The following GRIK3 variants were observed in gnomAD, a reference collection of about 807,000 sequenced individuals.
The protein encoded by GRIK3 is glutamate ionotropic receptor kainate type subunit 3.
A neutral mutation model predicts 102.5 loss-of-function variants in GRIK3; 29 were observed. That is an observed-to-expected ratio of 0.28 (90% CI 0.21 to 0.39). The LOEUF is 0.39. Among genes scored for constraint, GRIK3 ranks in the 10% least tolerant of loss-of-function variants. The pLI is 1.00. For synonymous variants in GRIK3, 511 were observed against 504.9 expected (o/e 1.01, Z -0.16); for missense variants, 908 against 1,252.4 (o/e 0.73, Z 4.15).
chr1:36,966,213 C>A (rs1392376092), intron 1 of GRIK3, among the ~76,000 whole-genome samples: 1 of 152,244 alleles, frequency 6.6e-6, no homozygotes, highest in African/African-American at 2.4e-5. Flanking sequence ...CCAATCACCT[C>A]TCCACAGGCC....
intron 11 of GRIK3, among the ~76,000 whole-genome samples, chr1:36,821,685 C>A (rs1642697172): frequency 6.6e-6 from 1 of 152,200 alleles, no homozygotes; most frequent in African/African-American, 2.4e-5. Flanking sequence ...TCCTAGAAGG[C>A]AATGGGATTC....
intron 1 of GRIK3, among the ~76,000 whole-genome samples, chr1:36,901,415 A>G (rs2124283210): frequency 6.6e-6 from 1 of 152,342 alleles, no homozygotes; most frequent in Non-Finnish European, 1.5e-5. Context: ...TTATATCAGT[A>G]TCAACAGGCC....
Position 37,032,715 on chromosome 1 carries a change from T to A in GRIK3, c.115+1279A>T, listed in dbSNP as rs1429931875. Reference sequence around the variant, plus strand: ...AGGGTCCTGGGCATGGACCGAAAGATCTCAGCGTGGGCAGAGCTGAGGACT... The same window carrying A: ...AGGGTCCTGGGCATGGACCGAAAGAACTCAGCGTGGGCAGAGCTGAGGACT... On this transcript the variant is annotated intron_variant, in intron 1 of 15. Transcript: ENST00000373091. Among the ~76,000 whole-genome samples, 5 of 152,106 alleles carry A rather than the reference T, an allele frequency of 3.3e-5. No homozygotes were observed. In the South Asian group the frequency reaches 1.0e-3, roughly 31 times the overall value.
At chr1:36,807,665 C>T (rs979454263) in intron 13 of GRIK3, among the ~76,000 whole-genome samples, 1 of 152,128 alleles carries the variant, frequency 6.6e-6, no homozygotes, top group Non-Finnish European at 1.5e-5. Context: ...GGGCTGTCCC[C>T]TCCTAAACTG....
At chr1:36,822,640 C>T (rs1642708239) in intron 11 of GRIK3, among the ~76,000 whole-genome samples, 1 of 152,204 alleles carries the variant, frequency 6.6e-6, no homozygotes, top group Admixed American at 6.5e-5. Flanking sequence ...GAAGGCTACA[C>T]TCCATCCCCA....
chr1:36,934,231 C>G (rs79731643), intron 1 of GRIK3, among the ~76,000 whole-genome samples: 3 of 152,150 alleles, frequency 2.0e-5, no homozygotes, highest in South Asian at 2.1e-4. Flanking sequence ...ACAGCTGACC[C>G]GATCTCCTGG....
intron 1 of GRIK3, among the ~76,000 whole-genome samples, chr1:36,934,105 G>A (rs1325909878): frequency 6.6e-6 from 1 of 152,198 alleles, no homozygotes; most frequent in Non-Finnish European, 1.5e-5. Flanking sequence ...GAGGGTGAGT[G>A]AGTAGGTGGG....
In GRIK3 at chr1:36,951,581, A is replaced by C. The variant is rs572579109; in HGVS notation, c.116-60485T>G. ...TGGTCGCATGCAGATTAATGAGGCC[A>C]CGGCTGAGGCCCTGCATTGGGGGAC... On this transcript the variant is annotated intron_variant, in intron 1 of 15. Transcript: ENST00000373091. Among the ~76,000 whole-genome samples, 4 of 152,360 alleles carry C rather than the reference A, an allele frequency of 2.6e-5. No individual in the cohort carries two copies. The South Asian group carries it at 8.3e-4, about 32-fold the overall frequency.
chr1:36,871,349 C>T (rs563820924), intron 4 of GRIK3, among the ~76,000 whole-genome samples: 2 of 152,284 alleles, frequency 1.3e-5, no homozygotes, highest in Admixed American at 6.5e-5. Flanking sequence ...CTCAAGGCCT[C>T]GAGAACACTC....
intron 1 of GRIK3, among the ~76,000 whole-genome samples, chr1:36,988,343 C>T (rs934490194): frequency 7.9e-5 from 12 of 152,344 alleles, no homozygotes; most frequent in African/African-American, 2.4e-4. Context: ...GTCCCAGCTC[C>T]GGTTCCAGGG....
At chr1:36,843,122 C>A (rs927563067) in intron 9 of GRIK3, among the ~76,000 whole-genome samples, 1 of 152,164 alleles carries the variant, frequency 6.6e-6, no homozygotes, top group African/African-American at 2.4e-5. Context: ...CAAAGAATAA[C>A]TGGGAGAAGA....
chr1:37,027,039 A>T, intron 1 of GRIK3, among the ~76,000 whole-genome samples: 1 of 152,082 alleles, frequency 6.6e-6, no homozygotes, highest in East Asian at 1.9e-4. Flanking sequence ...GGGAGGCACA[A>T]TGCACATGCA....
chr1:36,871,680 T>C (rs1640845404), intron 4 of GRIK3, among the ~76,000 whole-genome samples: 2 of 152,208 alleles, frequency 1.3e-5, no homozygotes, highest in Admixed American at 1.3e-4. Context: ...CCTCTGTCAC[T>C]GCAGAGCTGA....
intron 1 of GRIK3, among the ~76,000 whole-genome samples, chr1:36,988,010 G>T (rs1224336336): frequency 2.0e-5 from 3 of 151,870 alleles, no homozygotes; most frequent in Non-Finnish European, 2.9e-5. Context: ...TGAGCCTGAG[G>T]CCGAGTATGG....
rs751654371 is a variant in GRIK3 at position 36,866,616 on chromosome 1, G to A, written c.786+3132C>T. Among the ~76,000 whole-genome samples, 47 of 152,288 alleles carry A rather than the reference G, an allele frequency of 3.1e-4. No individual in the cohort carries two copies. The Middle Eastern group carries it at 0.014, about 44-fold the overall frequency. On this transcript the variant is annotated intron_variant, in intron 5 of 15. Coordinates refer to ENST00000373091, the MANE Select transcript of GRIK3 (RefSeq NM_000831.4). Reference sequence around the variant, plus strand: ...AGCATTGTTCTAAGCATTTTATGACGTCAATGCACTCAGCGTAACAATCCT... The same window carrying A: ...AGCATTGTTCTAAGCATTTTATGACATCAATGCACTCAGCGTAACAATCCT...
intron 1 of GRIK3, among the ~76,000 whole-genome samples, chr1:36,985,590 G>T (rs1642295798): frequency 6.6e-6 from 1 of 152,194 alleles, no homozygotes. Context: ...TCCCCAAGGT[G>T]CCCTGGATGG....
chr1:37,009,073 TGTAATAATA>T (rs1473508850), intron 1 of GRIK3, among the ~76,000 whole-genome samples: 3 of 116,800 alleles, frequency 2.6e-5, no homozygotes, highest in African/African-American at 1.3e-4. Context: ...AAAATGGAGA[TGTAATAATA>T]ATAATAATAA....
At chr1:37,011,168 C>T (rs888726513) in intron 1 of GRIK3, among the ~76,000 whole-genome samples, 2 of 152,176 alleles carry the variant, frequency 1.3e-5, no homozygotes, top group Non-Finnish European at 2.9e-5. Context: ...AGGGTGGCCA[C>T]GTTTAAATCT....
intron 1 of GRIK3, among the ~76,000 whole-genome samples, chr1:36,960,410 C>G (rs912322760): frequency 1.3e-5 from 2 of 152,212 alleles, no homozygotes; most frequent in African/African-American, 2.4e-5. Flanking sequence ...CGGTATTTAA[C>G]GCAGTACTTG....
Sources: allele counts gnomAD v4.1 joint callset (sites outside exome capture counted in the v4.1 genomes callset), GRCh38; gene constraint gnomAD v4.1.1; transcripts MANE v1.5; gene names NCBI Gene and HGNC (gene_info 2026-07-23, HGNC 2026-07-21).